Variants in DMGDH observed in about 807,000 individuals in gnomAD.
DMGDH encodes dimethylglycine dehydrogenase, mitochondrial.
A neutral mutation model predicts 95.2 loss-of-function variants in DMGDH; 76 were observed. The ratio of observed to expected loss-of-function variants is 0.80; its 90% CI spans 0.66 to 0.97. The LOEUF (loss-of-function observed/expected upper bound fraction) is 0.97. Ranked by LOEUF, DMGDH falls within the 50% of genes least tolerant of loss-of-function variation. The pLI is 0.00. For missense variants in DMGDH, 987 were observed against 1,055.0 expected, an observed-to-expected ratio of 0.94 and a Z score of 0.89; for synonymous variants, 345 against 377.6, an observed-to-expected ratio of 0.91 and a Z score of 1.00.
chr5:79,011,197 C>T (rs1209662295), intron 14 of DMGDH, among the ~76,000 whole-genome samples: 1 of 152,172 alleles, frequency 6.6e-6, no homozygotes, highest in Non-Finnish European at 1.5e-5. Context: ...AGACAAATTA[C>T]AGCATTATTC....
In DMGDH at chr5:79,063,633, C is replaced by T. The variant is rs2112677130; in HGVS notation, c.256G>A (p.Ala86Thr). 6.2e-7 allele frequency: 1 copy of T among 1,614,180 alleles called. No individual in the cohort carries two copies. The highest frequency in any genetic ancestry group is 2.2e-5 in the East Asian group (1 of 44,878). The change falls in exon 2 of 16, where the codon GCT becomes ACT. Residue 86 changes from alanine (A) to threonine (T), a missense_variant. By Grantham distance (58) the Ala-to-Thr change is moderately conservative (BLOSUM62 0). Transcript: ENST00000255189. ...VVLLEKSELT[A>T]GSTWHAAGLT... ...CTTACTGCGTGCCAGGTAGATCCAG[C>T]CGTGAGCTCTGATTTCTCCAGCAGG...
At chr5:79,068,020 C>T (rs1047543123) in intron 1 of DMGDH, among the ~76,000 whole-genome samples, 2 of 152,106 alleles carry the variant, frequency 1.3e-5, no homozygotes, top group African/African-American at 2.4e-5. Context: ...CAGGTTCAAG[C>T]GATTCTCCCG....
At chr5:79,020,765 G>A (rs1164700264) in intron 14 of DMGDH, 6 of 984,274 alleles carry the variant, frequency 6.1e-6, no homozygotes, top group Non-Finnish European at 7.2e-6. Flanking sequence ...AAGAGAGGGA[G>A]AAGGAGAGAG....
At chr5:79,040,226 T>C (rs1754469541) in intron 7 of DMGDH, among the ~76,000 whole-genome samples, 1 of 152,166 alleles carries the variant, frequency 6.6e-6, no homozygotes, top group African/African-American at 2.4e-5. Flanking sequence ...CAGAATTGAA[T>C]GGAATTGTTG....
At chr5:79,065,244 C>T (rs1254244401) in intron 1 of DMGDH, among the ~76,000 whole-genome samples, 2 of 143,096 alleles carry the variant, frequency 1.4e-5, no homozygotes, top group Admixed American at 7.2e-5. Context: ...TTTGAGACAG[C>T]GTCTCACTCT....
chr5:79,018,290 C>T (rs945829387), intron 14 of DMGDH, among the ~76,000 whole-genome samples: 1 of 152,130 alleles, frequency 6.6e-6, no homozygotes, highest in Non-Finnish European at 1.5e-5. Flanking sequence ...CCTTCCACCT[C>T]CACCTCCCAA....
chr5:79,008,456 A>C (rs1350853299), intron 14 of DMGDH, among the ~76,000 whole-genome samples: 2 of 152,212 alleles, frequency 1.3e-5, no homozygotes, highest in Non-Finnish European at 2.9e-5. Flanking sequence ...CTGGTTAAGA[A>C]CCAAGATCTC....
intron 4 of DMGDH, among the ~76,000 whole-genome samples, chr5:79,053,599 G>A (rs1196094119): frequency 6.6e-6 from 1 of 152,128 alleles, no homozygotes; most frequent in African/African-American, 2.4e-5. Flanking sequence ...ATAAATATGT[G>A]CTACAGTAAG....
chr5:79,017,361 A>C (rs918073412), intron 14 of DMGDH, among the ~76,000 whole-genome samples: 1 of 152,212 alleles, frequency 6.6e-6, no homozygotes, highest in African/African-American at 2.4e-5. Flanking sequence ...TTAACCAGAC[A>C]TTTCACAAAA....
chr5:79,048,302 A>G (rs1754738294), intron 5 of DMGDH, among the ~76,000 whole-genome samples: 1 of 152,162 alleles, frequency 6.6e-6, no homozygotes. Context: ...GGCAATGTCT[A>G]TGTCTCTGGG....
At chr5:79,061,964 A>G (rs1239527534) in intron 2 of DMGDH, among the ~76,000 whole-genome samples, 1 of 152,204 alleles carries the variant, frequency 6.6e-6, no homozygotes, top group Non-Finnish European at 1.5e-5. Flanking sequence ...ACATTAAATC[A>G]GTATATAAGT....
chr5:79,038,681 T>G (rs1754417404), intron 7 of DMGDH, among the ~76,000 whole-genome samples: 1 of 152,226 alleles, frequency 6.6e-6, no homozygotes, highest in Non-Finnish European at 1.5e-5. Flanking sequence ...TGAGATTTAC[T>G]ATTTTTTGAA....
intron 9 of DMGDH, among the ~76,000 whole-genome samples, chr5:79,032,210 T>A (rs1754198274): frequency 6.6e-6 from 1 of 152,226 alleles, no homozygotes; most frequent in East Asian, 1.9e-4. Context: ...GCTATGCAAA[T>A]GACCTTATCA....
chr5:79,052,348 T>C (rs1754893354), intron 4 of DMGDH, among the ~76,000 whole-genome samples: 1 of 152,236 alleles, frequency 6.6e-6, no homozygotes, highest in Non-Finnish European at 1.5e-5. Flanking sequence ...TTCACTCTTC[T>C]ATTTTGGAAG....
chr5:79,005,477 T>A (rs1753530064), intron 14 of DMGDH, 70 bp from the exon 15 acceptor site: 8 of 1,599,922 alleles, frequency 5.0e-6, no homozygotes, highest in Admixed American at 1.7e-5. Context: ...GATGCAAGCA[T>A]TTAAATTTGT....
At position 79,005,397 on chromosome 5, in the gene DMGDH, A is replaced by G. The variant is rs75051122; in HGVS notation, c.2261T>C (p.Phe754Ser). 4.6e-4 allele frequency: 739 copies of G among 1,614,132 alleles called. 3 individuals are homozygous for G. In the African/African-American group the frequency reaches 8.5e-3, roughly 19 times the overall value. The change falls in exon 15 of 16, where the codon TTC becomes TCC. Residue 754 changes from phenylalanine (F) to serine (S), a missense_variant. By Grantham distance (155) the Phe-to-Ser change is radical (BLOSUM62 -2). Transcript: ENST00000255189. Reference sequence around the variant, plus strand: ...CTGTTTCAGTGCTTGCTTTCCTATGAAGTCTGCTGGCTGCAGGAATCCAAG... The same window carrying G: ...CTGTTTCAGTGCTTGCTTTCCTATGGAGTCTGCTGGCTGCAGGAATCCAAG... ...YFVKLNKPAD[F>S]IGKQALKQIK...
intron 6 of DMGDH, among the ~76,000 whole-genome samples, chr5:79,042,905 G>C (rs555792345): frequency 1.3e-5 from 2 of 152,184 alleles, no homozygotes; most frequent in South Asian, 4.2e-4. Flanking sequence ...GGAAAAAGTG[G>C]AACACTCCTC....
chr5:79,053,621 G>GTTA (rs1007750236), intron 4 of DMGDH, among the ~76,000 whole-genome samples: 9 of 152,140 alleles, frequency 5.9e-5, no homozygotes, highest in African/African-American at 2.2e-4. Context: ...GTTAGCCATT[G>GTTA]TTATTATTAT....
At chr5:79,031,037 T>G in intron 9 of DMGDH, 39 bp from the exon 10 acceptor site, 1 of 1,611,790 alleles carries the variant, frequency 6.2e-7, no homozygotes, top group Non-Finnish European at 8.5e-7. Flanking sequence ...CAACTCCCGT[T>G]CATTTTTCAA....
Sources: allele counts gnomAD v4.1 joint callset (sites outside exome capture counted in the v4.1 genomes callset), GRCh38; gene constraint gnomAD v4.1.1; transcripts MANE v1.5; gene names NCBI Gene and HGNC (gene_info 2026-07-23, HGNC 2026-07-21).